The following CHCHD6 variants were observed in gnomAD, a reference collection of about 807,000 sequenced individuals.
CHCHD6 encodes the protein coiled-coil-helix-coiled-coil-helix domain containing 6, also known as MICOS complex subunit MIC25.
A neutral mutation model predicts 32.3 loss-of-function variants in CHCHD6; 28 were observed. That is an observed-to-expected ratio of 0.87 (90% CI 0.64 to 1.19). The LOEUF (loss-of-function observed/expected upper bound fraction) is 1.19, where lower values mean the gene tolerates loss of function less well. Ranked by LOEUF, CHCHD6 falls within the 50% of genes most tolerant of loss-of-function variation. CHCHD6 has a pLI of 0.00. For synonymous variants in CHCHD6, 122 were observed against 117.5 expected, an observed-to-expected ratio of 1.04 and a Z score of -0.25; for missense variants, 333 against 307.0, an observed-to-expected ratio of 1.08 and a Z score of -0.63.
intron 5 of CHCHD6, among the ~76,000 whole-genome samples, chr3:126,899,840 A>G (rs62263288): frequency 0.19 from 28,314 of 152,186 alleles, 3,257 homozygotes; most frequent in Non-Finnish European, 0.27. Flanking sequence ...GGAGATGGAA[A>G]TCACCAAATT....
At chr3:126,908,982 C>T (rs1266136389) in intron 5 of CHCHD6, among the ~76,000 whole-genome samples, 1 of 152,240 alleles carries the variant, frequency 6.6e-6, no homozygotes, top group African/African-American at 2.4e-5. Context: ...CACACGTTGC[C>T]ACTGCCCTGT....
chr3:126,733,762 C>T (rs1262892342), intron 4 of CHCHD6, among the ~76,000 whole-genome samples: 2 of 152,138 alleles, frequency 1.3e-5, no homozygotes, highest in Non-Finnish European at 2.9e-5. Context: ...TGCTGGCAGA[C>T]CATGGGAGTG....
chr3:126,721,209 G>A (rs1381493197), intron 1 of CHCHD6, among the ~76,000 whole-genome samples: 2 of 152,048 alleles, frequency 1.3e-5, no homozygotes, highest in Non-Finnish European at 2.9e-5. Context: ...GCGTCTCCTC[G>A]GGATGGTTGG....
intron 4 of CHCHD6, among the ~76,000 whole-genome samples, chr3:126,845,718 C>T (rs1003038462): frequency 5.3e-5 from 8 of 151,832 alleles, no homozygotes; most frequent in Admixed American, 1.3e-4. Flanking sequence ...ATTTTTGCTC[C>T]GTCCAATATG....
chr3:126,762,866 G>A (rs1015763459), intron 4 of CHCHD6, among the ~76,000 whole-genome samples: 1 of 151,740 alleles, frequency 6.6e-6, no homozygotes, highest in African/African-American at 2.4e-5. Context: ...ACTTTATTTT[G>A]CATATTATTA....
chr3:126,932,235 T>G (rs555629277), intron 6 of CHCHD6, among the ~76,000 whole-genome samples: 1 of 152,266 alleles, frequency 6.6e-6, no homozygotes, highest in South Asian at 2.1e-4. Context: ...CCTGTGCCAG[T>G]GTGCTGTGAC....
intron 4 of CHCHD6, among the ~76,000 whole-genome samples, chr3:126,779,535 C>CAAAA (rs11288509): frequency 1.7e-4 from 13 of 78,086 alleles, no homozygotes; most frequent in East Asian, 4.3e-4. Context: ...GACTCCATCT[C>CAAAA]AAAAAAAAAA....
intron 4 of CHCHD6, among the ~76,000 whole-genome samples, chr3:126,739,814 T>C (rs1179515143): frequency 3.3e-5 from 5 of 152,196 alleles, no homozygotes; most frequent in Admixed American, 3.3e-4. Flanking sequence ...AGTCTCGATT[T>C]GACAGTTCCA....
chr3:126,808,441 A>G (rs766710990), intron 4 of CHCHD6, among the ~76,000 whole-genome samples: 9 of 152,320 alleles, frequency 5.9e-5, no homozygotes, highest in Admixed American at 3.9e-4. Context: ...GTGTTACTCA[A>G]GAAAAAAGAA....
rs375058078 is a variant in CHCHD6, at chr3:126,903,738, G to A, written c.496-10942G>A. On this transcript the variant is annotated intron_variant, in intron 5 of 7. Coordinates refer to ENST00000290913, the MANE Select transcript of CHCHD6 (RefSeq NM_032343.3). ...CACACCCTGCCAGTGGAGTGATTAC[G>A]GCAGTAGATTTCCTTGTCGATCCTG... Among the ~76,000 whole-genome samples, 17 of 152,262 alleles carry A rather than the reference G, an allele frequency of 1.1e-4. No homozygotes were observed. In the East Asian group the frequency reaches 2.3e-3, roughly 21 times the overall value.
At chr3:126,789,119 T>C (rs1283071657) in intron 4 of CHCHD6, among the ~76,000 whole-genome samples, 2 of 152,252 alleles carry the variant, frequency 1.3e-5, no homozygotes, top group African/African-American at 4.8e-5. Context: ...AGTTTCCATA[T>C]AGTTGAGCAG....
chr3:126,865,856 T>G, intron 5 of CHCHD6: 1 of 644,438 alleles, frequency 1.6e-6, no homozygotes, highest in Non-Finnish European at 1.9e-6. Context: ...GCAACCTCTC[T>G]TGCACTCTAG....
chr3:126,872,882 C>T (rs931213680), intron 5 of CHCHD6, among the ~76,000 whole-genome samples: 6 of 152,226 alleles, frequency 3.9e-5, no homozygotes, highest in Non-Finnish European at 7.3e-5. Flanking sequence ...CGTTTCTCAC[C>T]GCAATTCTCC....
chr3:126,931,801 C>T (rs2078410618), intron 6 of CHCHD6, among the ~76,000 whole-genome samples: 1 of 152,192 alleles, frequency 6.6e-6, no homozygotes, highest in Non-Finnish European at 1.5e-5. Flanking sequence ...AGCTTACAGG[C>T]CCCTGGTGTA....
chr3:126,955,170 C>T (rs1349757708), intron 6 of CHCHD6, among the ~76,000 whole-genome samples: 1 of 152,246 alleles, frequency 6.6e-6, no homozygotes, highest in Non-Finnish European at 1.5e-5. Flanking sequence ...ACCCATGTCA[C>T]AGTTCTTAAA....
chr3:126,707,006 C>T (rs1470466930), intron 1 of CHCHD6, among the ~76,000 whole-genome samples: 1 of 152,146 alleles, frequency 6.6e-6, no homozygotes, highest in African/African-American at 2.4e-5. Flanking sequence ...GTGGCTCATG[C>T]CTGTAATTTC....
rs567144330 is a variant in CHCHD6, at chr3:126,934,759, C to T, written c.566+20009C>T. Among the ~76,000 whole-genome samples the T allele has an allele frequency of 1.5e-4, 23 of 152,036 alleles. No homozygotes were observed. The East Asian group carries it at 4.5e-3, about 30-fold the overall frequency. On this transcript the variant is annotated intron_variant, in intron 6 of 7. Coordinates refer to ENST00000290913, the MANE Select transcript of CHCHD6 (RefSeq NM_032343.3). ...AGAGATGGGGTTTCACCATGTTAGCCAGGATGGTCTCGATCTCCTGACCTC... is the reference window on the plus strand; with the variant it reads ...AGAGATGGGGTTTCACCATGTTAGCTAGGATGGTCTCGATCTCCTGACCTC...
chr3:126,871,091 G>A (rs1559894653), intron 5 of CHCHD6, among the ~76,000 whole-genome samples: 1 of 152,088 alleles, frequency 6.6e-6, no homozygotes, highest in South Asian at 2.1e-4. Flanking sequence ...CCTGACATAC[G>A]TTCCAATTCC....
At chr3:126,835,717 ATC>A (rs1019453708) in intron 4 of CHCHD6, among the ~76,000 whole-genome samples, 2 of 151,926 alleles carry the variant, frequency 1.3e-5, no homozygotes, top group Admixed American at 6.6e-5. Context: ...CTCCCTCCCC[ATC>A]TCTCTCTTTT....
Sources: allele counts gnomAD v4.1 joint callset (sites outside exome capture counted in the v4.1 genomes callset), GRCh38; gene constraint gnomAD v4.1.1; transcripts MANE v1.5; gene names NCBI Gene and HGNC (gene_info 2026-07-23, HGNC 2026-07-21).